EDIL3: variants seen among roughly 807,000 people sequenced by gnomAD.
EDIL3 encodes the protein EGF-like repeat and discoidin I-like domain-containing protein 3.
In EDIL3, 37 loss-of-function variants were observed where a neutral mutation model predicts 67.4. That is an observed-to-expected ratio of 0.55 (90% confidence interval 0.42 to 0.72). The LOEUF is 0.72. Ranked by LOEUF, EDIL3 falls within the 30% of genes least tolerant of loss-of-function variation. The probability of loss-of-function intolerance (pLI) is 0.00; values close to 1 mark genes in which losing one functional copy is unlikely to be tolerated. For missense variants in EDIL3, 527 were observed against 586.3 expected (o/e 0.90, Z 1.04); for synonymous variants, 195 against 196.3 (o/e 0.99, Z 0.05).
chr5:84,123,315 C>T (rs1158576324), intron 5 of EDIL3, among the ~76,000 whole-genome samples: 1 of 151,862 alleles, frequency 6.6e-6, no homozygotes, highest in Non-Finnish European at 1.5e-5. Flanking sequence ...TTTTGTGTCC[C>T]AACCACAGAT....
intron 9 of EDIL3, among the ~76,000 whole-genome samples, chr5:84,018,783 CAT>C (rs34275731): frequency 0.18 from 28,099 of 152,036 alleles, 2,889 homozygotes; most frequent in South Asian, 0.25. Context: ...AGCCAAAAAA[CAT>C]ATGAAAAAAT....
At chr5:84,105,534 G>A (rs1747444979) in intron 6 of EDIL3, among the ~76,000 whole-genome samples, 1 of 151,936 alleles carries the variant, frequency 6.6e-6, no homozygotes, top group South Asian at 2.1e-4. Context: ...ACCTAATTAT[G>A]TCACATCAGG....
chr5:84,158,876 A>G (rs575220139), intron 4 of EDIL3, among the ~76,000 whole-genome samples: 2 of 152,142 alleles, frequency 1.3e-5, no homozygotes, highest in East Asian at 3.9e-4. Context: ...TTGGTGTTGC[A>G]GTTCCATTCT....
intron 4 of EDIL3, among the ~76,000 whole-genome samples, chr5:84,166,715 G>T (rs1748710957): frequency 6.6e-6 from 1 of 152,176 alleles, no homozygotes; most frequent in Non-Finnish European, 1.5e-5. Flanking sequence ...GGTGGAGGAA[G>T]ATGTTAAAGA....
intron 1 of EDIL3, among the ~76,000 whole-genome samples, chr5:84,352,497 C>T (rs1249638376): frequency 6.6e-6 from 1 of 152,092 alleles, no homozygotes; most frequent in Non-Finnish European, 1.5e-5. Context: ...TTTGCAGCAA[C>T]ATGGATGGAG....
At chr5:84,286,876 G>A (rs995772231) in intron 1 of EDIL3, among the ~76,000 whole-genome samples, 1 of 152,178 alleles carries the variant, frequency 6.6e-6, no homozygotes, top group African/African-American at 2.4e-5. Flanking sequence ...TCTCCCCACT[G>A]AGGTTTTAAG....
At chr5:84,189,259 A>G (rs1743528872) in intron 3 of EDIL3, among the ~76,000 whole-genome samples, 1 of 151,930 alleles carries the variant, frequency 6.6e-6, no homozygotes, top group African/African-American at 2.4e-5. Context: ...AGGGGACATC[A>G]AGGAGAGCCT....
At chr5:84,164,558 C>A (rs1189314676) in intron 4 of EDIL3, among the ~76,000 whole-genome samples, 1 of 152,060 alleles carries the variant, frequency 6.6e-6, no homozygotes, top group East Asian at 1.9e-4. Context: ...GTTCAAAAGA[C>A]AAGATAATTG....
intron 1 of EDIL3, among the ~76,000 whole-genome samples, chr5:84,359,488 T>C (rs1185198429): frequency 1.3e-5 from 2 of 152,216 alleles, no homozygotes; most frequent in South Asian, 4.1e-4. Flanking sequence ...GGTTCATGCA[T>C]GATTGCAATT....
chr5:84,241,572 T>C (rs539820049), intron 2 of EDIL3, among the ~76,000 whole-genome samples: 2 of 152,148 alleles, frequency 1.3e-5, no homozygotes, highest in Admixed American at 6.5e-5. Context: ...GCTCTCTTTT[T>C]CCCATATGAA....
intron 3 of EDIL3, among the ~76,000 whole-genome samples, chr5:84,215,099 T>C (rs887406894): frequency 6.6e-6 from 1 of 152,196 alleles, no homozygotes; most frequent in Admixed American, 6.5e-5. Context: ...AATTTGATCA[T>C]ACAACAAATA....
At chr5:84,277,651 T>C (rs1404600812) in intron 1 of EDIL3, among the ~76,000 whole-genome samples, 1 of 152,176 alleles carries the variant, frequency 6.6e-6, no homozygotes, top group Admixed American at 6.6e-5. Flanking sequence ...TCACTCAACA[T>C]ATATTTTAAG....
chr5:84,178,781 A>T (rs1262760734), intron 4 of EDIL3, among the ~76,000 whole-genome samples: 2 of 152,192 alleles, frequency 1.3e-5, no homozygotes, highest in African/African-American at 4.8e-5. Flanking sequence ...AATGCAGAAA[A>T]TAGGGACTAG....
At chr5:84,117,277 G>T (rs186939010) in intron 5 of EDIL3, among the ~76,000 whole-genome samples, 11,296 of 151,760 alleles carry the variant, frequency 0.074, 499 homozygotes, top group Middle Eastern at 0.13. Context: ...TGATCCACCC[G>T]CCTTGGCCTC....
At chr5:84,231,530 T>C (rs563789559) in intron 2 of EDIL3, among the ~76,000 whole-genome samples, 34 of 152,292 alleles carry the variant, frequency 2.2e-4, no homozygotes, top group African/African-American at 7.2e-4. Flanking sequence ...AAGGTATCAC[T>C]GTGTAGCCAG....
At chr5:84,030,058 T>A (rs1462391883) in intron 9 of EDIL3, among the ~76,000 whole-genome samples, 2 of 148,722 alleles carry the variant, frequency 1.3e-5, no homozygotes, top group African/African-American at 4.8e-5. Context: ...CTAAAGGTCA[T>A]GCTTAAATGA....
intron 9 of EDIL3, among the ~76,000 whole-genome samples, chr5:83,987,666 T>C (rs1037295098): frequency 8.8e-4 from 134 of 152,256 alleles, no homozygotes; most frequent in African/African-American, 3.0e-3. Flanking sequence ...AAATGGTCAC[T>C]GCAACTTTGC....
intron 9 of EDIL3, among the ~76,000 whole-genome samples, chr5:83,987,157 C>T (rs945619679): frequency 2.0e-5 from 3 of 152,128 alleles, no homozygotes; most frequent in Non-Finnish European, 4.4e-5. Context: ...CCCTCTAGCA[C>T]CATGCTTCTG....
chr5:84,048,870 C>G (rs1746278869), intron 9 of EDIL3, among the ~76,000 whole-genome samples: 1 of 152,080 alleles, frequency 6.6e-6, no homozygotes, highest in Non-Finnish European at 1.5e-5. Context: ...CAAAATGAAT[C>G]AGCATATTTC....
Sources: allele counts gnomAD v4.1 joint callset (sites outside exome capture counted in the v4.1 genomes callset), GRCh38; gene constraint gnomAD v4.1.1; transcripts MANE v1.5; gene names NCBI Gene and HGNC (gene_info 2026-07-23, HGNC 2026-07-21).